The following KCNH1 variants were observed in gnomAD, a reference collection of about 807,000 sequenced individuals.
KCNH1 encodes voltage-gated delayed rectifier potassium channel KCNH1.
Under a neutral mutation model 69.2 loss-of-function variants are expected in KCNH1, and 27 were observed. The ratio of observed to expected loss-of-function variants is 0.39; its 90% CI spans 0.29 to 0.54. The LOEUF is 0.54. KCNH1 is among the 20% of genes least tolerant of loss of function. The pLI, the probability that KCNH1 is intolerant of heterozygous loss-of-function variation, is 0.68. For synonymous variants in KCNH1, 456 were observed against 487.7 expected (o/e 0.93, Z 0.86); for missense variants, 798 against 1,261.6 (o/e 0.63, Z 5.57).
chr1:210,864,390 G>A (rs916231842), intron 7 of KCNH1, among the ~76,000 whole-genome samples: 3 of 152,176 alleles, frequency 2.0e-5, no homozygotes, highest in African/African-American at 7.2e-5. Context: ...CAAGAACAGT[G>A]TTGGTAGTAA....
At chr1:210,951,227 A>T (rs1688057093) in intron 6 of KCNH1, among the ~76,000 whole-genome samples, 1 of 152,146 alleles carries the variant, frequency 6.6e-6, no homozygotes, top group Non-Finnish European at 1.5e-5. Context: ...CCCCCTCTAT[A>T]CAGGTGTGCT....
chr1:210,960,619 G>A (rs1688274503), intron 6 of KCNH1, among the ~76,000 whole-genome samples: 1 of 152,162 alleles, frequency 6.6e-6, no homozygotes, highest in Non-Finnish European at 1.5e-5. Context: ...TTGCTGAGTA[G>A]TAGCCTATTG....
chr1:210,815,138 C>A (rs7523746), intron 7 of KCNH1, among the ~76,000 whole-genome samples: 26,473 of 152,148 alleles, frequency 0.17, 2,810 homozygotes, highest in Non-Finnish European at 0.25. Context: ...GGATCAGAAT[C>A]TCTGGGGGTG....
At chr1:210,770,804 C>A (rs1683738794) in intron 10 of KCNH1, among the ~76,000 whole-genome samples, 1 of 152,206 alleles carries the variant, frequency 6.6e-6, no homozygotes, top group South Asian at 2.1e-4. Flanking sequence ...TAGAAGAATG[C>A]AGAAGCCAAA....
At chr1:211,015,775 C>T (rs1396184344) in intron 6 of KCNH1, among the ~76,000 whole-genome samples, 3 of 152,166 alleles carry the variant, frequency 2.0e-5, no homozygotes, top group Admixed American at 6.5e-5. Flanking sequence ...ACAAGGATCC[C>T]AGCTGTTTTA....
intron 10 of KCNH1, among the ~76,000 whole-genome samples, chr1:210,707,422 T>A (rs1558432089): frequency 6.6e-6 from 1 of 152,172 alleles, no homozygotes; most frequent in Non-Finnish European, 1.5e-5. Context: ...TAGAGCTATT[T>A]ACATCAAGAA....
rs75555926 is a variant in KCNH1 at position 211,067,226 on chromosome 1, G to A, written c.558+15554C>T. Among the ~76,000 whole-genome samples the A allele has an allele frequency of 3.0e-3, 462 of 152,308 alleles. 2 individuals carry two copies. Among genetic ancestry groups the A allele is most frequent in the African/African-American group, 0.011 (444 of 41,564 alleles). On this transcript the variant is annotated intron_variant, in intron 5 of 10. Transcript: ENST00000271751. The stretch of plus-strand genomic sequence containing the variant: ...GACTTTCCTCCTTATAAGGGCACCA[G>A]GAGTTACAGCAGCAAAAATCTCAGA...
At chr1:210,875,237 A>G (rs1203650392) in intron 7 of KCNH1, among the ~76,000 whole-genome samples, 2 of 152,202 alleles carry the variant, frequency 1.3e-5, no homozygotes, top group African/African-American at 4.8e-5. Flanking sequence ...AGTCAAAATT[A>G]CCTTTAATAG....
chr1:210,987,758 T>A (rs1388119341), intron 6 of KCNH1, among the ~76,000 whole-genome samples: 1 of 152,196 alleles, frequency 6.6e-6, no homozygotes, highest in African/African-American at 2.4e-5. Flanking sequence ...GCAGTCTGCC[T>A]GTTCTCAGAT....
intron 7 of KCNH1, among the ~76,000 whole-genome samples, chr1:210,885,395 C>T (rs1343051246): frequency 6.6e-6 from 1 of 152,216 alleles, no homozygotes; most frequent in Admixed American, 6.5e-5. Flanking sequence ...TATGCTTTTC[C>T]CACAGTCTTC....
chr1:210,744,066 G>T (rs1683094850), intron 10 of KCNH1, among the ~76,000 whole-genome samples: 1 of 152,144 alleles, frequency 6.6e-6, no homozygotes, highest in Non-Finnish European at 1.5e-5. Context: ...CAGCCTGCCT[G>T]TGCCTTTCTA....
chr1:210,785,437 C>T (rs940883553), intron 9 of KCNH1, among the ~76,000 whole-genome samples: 2 of 151,514 alleles, frequency 1.3e-5, no homozygotes, highest in African/African-American at 4.9e-5. Flanking sequence ...CTCTGTCACC[C>T]AGGCTGGAGT....
chr1:210,928,471 G>C (rs572865104), intron 6 of KCNH1, among the ~76,000 whole-genome samples: 1 of 152,034 alleles, frequency 6.6e-6, no homozygotes, highest in Non-Finnish European at 1.5e-5. Context: ...ATGATCATTG[G>C]GTCAACAATG....
chr1:210,730,403 C>A (rs1439521023), intron 10 of KCNH1, among the ~76,000 whole-genome samples: 5 of 151,904 alleles, frequency 3.3e-5, no homozygotes, highest in Non-Finnish European at 7.4e-5. Context: ...GGAGGTTAAA[C>A]AAAAAAGGAG....
intron 5 of KCNH1, among the ~76,000 whole-genome samples, chr1:211,052,226 C>T (rs1417976169): frequency 2.0e-5 from 3 of 152,210 alleles, no homozygotes; most frequent in East Asian, 1.9e-4. Flanking sequence ...GACGGAATTC[C>T]GTGGCCCCCA....
chr1:210,723,198 T>C (rs912985779), intron 10 of KCNH1, among the ~76,000 whole-genome samples: 1 of 151,928 alleles, frequency 6.6e-6, no homozygotes, highest in Admixed American at 6.6e-5. Flanking sequence ...CTTTCCTTCC[T>C]GAAAAGAAAA....
intron 1 of KCNH1, among the ~76,000 whole-genome samples, chr1:211,124,394 C>T (rs114301064): frequency 0.013 from 1,957 of 152,250 alleles, 15 homozygotes; most frequent in Non-Finnish European, 0.021. Context: ...GCCTATAATC[C>T]CAGCACTTTG....
At position 210,919,425 on chromosome 1, in the gene KCNH1, T is replaced by C; in HGVS notation, c.1462+215A>G. 1.8e-6 allele frequency: 1 copy of C among 559,006 alleles called. No individual in the cohort carries two copies. Among genetic ancestry groups the C allele is most frequent in the Non-Finnish European group, 3.2e-6 (1 of 313,896 alleles). The allele number at this position is 559,006 out of a possible 1,614,324, so 34.6% of individuals were successfully genotyped here. ...CTGAAAAGCAGAATTATGGATAGTC[T>C]TTACTTTCTACTTTGCACTCTTTTG... On this transcript the variant is annotated intron_variant, in intron 7 of 10. Transcript: ENST00000271751. The surrounding 1 kb of genome is among the most constrained non-coding windows in gnomAD (Gnocchi z 4.2).
intron 10 of KCNH1, among the ~76,000 whole-genome samples, chr1:210,758,682 G>C (rs995711085): frequency 2.6e-5 from 4 of 152,180 alleles, no homozygotes; most frequent in Admixed American, 1.3e-4. Context: ...AAATGGACCT[G>C]GAGAGGGGAT....
Sources: allele counts gnomAD v4.1 joint callset (sites outside exome capture counted in the v4.1 genomes callset), GRCh38; gene constraint gnomAD v4.1.1; non-coding constraint Gnocchi (gnomAD v3.1); transcripts MANE v1.5; gene names NCBI Gene and HGNC (gene_info 2026-07-23, HGNC 2026-07-21).